Variants in TRMT10A observed in about 807,000 individuals in gnomAD.
TRMT10A encodes tRNA methyltransferase 10A, also known as tRNA methyltransferase 10 homolog A.
Under a neutral mutation model 40.4 loss-of-function variants are expected in TRMT10A, and 37 were observed. The ratio of observed to expected loss-of-function variants is 0.92; its 90% CI spans 0.71 to 1.21. The LOEUF is 1.21. Among genes scored for constraint, TRMT10A ranks in the 50% most tolerant of loss-of-function variants. The probability of loss-of-function intolerance (pLI) is 0.00; values close to 1 mark genes in which losing one functional copy is unlikely to be tolerated. For missense variants in TRMT10A, 388 were observed against 404.3 expected (o/e 0.96, Z 0.35); for synonymous variants, 103 against 134.1 (o/e 0.77, Z 1.60).
rs192937476 is a variant in TRMT10A at position 99,547,461 on chromosome 4, T to C, written c.*1627A>G. On this transcript the variant is annotated 3_prime_UTR_variant, in exon 8 of 8. Transcript: ENST00000394876. ...ATAATTAATAAAAATTAAACTCTTATTTGGAATGATTTTCCCCCTTTCATA... is the reference window on the plus strand; with the variant it reads ...ATAATTAATAAAAATTAAACTCTTACTTGGAATGATTTTCCCCCTTTCATA... 2.7e-4 allele frequency: 41 copies of C among 152,268 alleles called. No individual in the cohort carries two copies. The highest frequency in any genetic ancestry group is 8.9e-4 in the African/African-American group (37 of 41,558). The allele number at this position is 152,268 out of a possible 1,614,324, so 9.4% of individuals were successfully genotyped here.
Position 99,559,209 on chromosome 4 carries a change from G to A in TRMT10A, c.130C>T (p.Gln44Ter). Residue 44 changes from glutamine to a stop codon, truncating the protein, a stop_gained, in exon 2 of 8, where the codon CAA becomes TAA. Coordinates refer to ENST00000394876, the MANE Select transcript of TRMT10A (RefSeq NM_001134665.3). LOFTEE classifies it high-confidence loss of function. ...TTCTGTTTTATTAGTTTTTTCATTT[G>A]TCGTTTAGATATTGGTTCACACCCT... ...GEGCEPISKR[Q>*]MKKLIKQKQW... 6.2e-7 allele frequency: 1 copy of A among 1,613,150 alleles called. No individual in the cohort carries two copies. The highest frequency in any genetic ancestry group is 8.5e-7 in the Non-Finnish European group (1 of 1,179,450).
chr4:99,554,458 C>T (rs1259020814), intron 5 of TRMT10A, among the ~76,000 whole-genome samples: 1 of 152,148 alleles, frequency 6.6e-6, no homozygotes, highest in Admixed American at 6.5e-5. Flanking sequence ...TGCGGTGGCT[C>T]ATGCCTGTAA....
At chr4:99,558,334 G>T in intron 2 of TRMT10A, 123 bp from the exon 3 acceptor site, 1 of 903,490 alleles carries the variant, frequency 1.1e-6, no homozygotes, top group Non-Finnish European at 1.6e-6. Flanking sequence ...TCACTTCTGT[G>T]ACCATTCAAA....
intron 6 of TRMT10A, among the ~76,000 whole-genome samples, chr4:99,551,745 T>A (rs1723973778): frequency 6.6e-6 from 1 of 152,058 alleles, no homozygotes; most frequent in African/African-American, 2.4e-5. Flanking sequence ...GGCACTGTTA[T>A]CACAGGAGAT....
chr4:99,555,156 C>T (rs1724117037), intron 5 of TRMT10A, among the ~76,000 whole-genome samples: 1 of 152,114 alleles, frequency 6.6e-6, no homozygotes, highest in Non-Finnish European at 1.5e-5. Context: ...TGAAAACATG[C>T]CTCTTTTAAT....
intron 1 of TRMT10A, chr4:99,563,342 A>G (rs1724531127): frequency 6.5e-6 from 1 of 153,354 alleles, no homozygotes; most frequent in African/African-American, 2.4e-5. Context: ...TTCGATCTTT[A>G]TAAAACTGTC....
At chr4:99,550,828 T>C (rs1340079263) in intron 7 of TRMT10A, 57 bp downstream of exon 7, 2 of 1,239,172 alleles carry the variant, frequency 1.6e-6, no homozygotes, top group Non-Finnish European at 2.3e-6. Flanking sequence ...CTAAATGTAA[T>C]ATTCTTTCTC....
At chr4:99,554,722 CAAAAAAAAA>C (rs532448105) in intron 5 of TRMT10A, among the ~76,000 whole-genome samples, 4 of 90,884 alleles carry the variant, frequency 4.4e-5, no homozygotes, top group Non-Finnish European at 6.5e-5. Flanking sequence ...GACTACGTTT[CAAAAAAAAA>C]AAAAAAAAAA....
intron 4 of TRMT10A, 43 bp from the exon 5 acceptor site, chr4:99,556,263 C>A: frequency 2.7e-6 from 4 of 1,503,484 alleles, no homozygotes; most frequent in Non-Finnish European, 3.7e-6. Flanking sequence ...AACAAATGAC[C>A]ATTTAAGTCT....
At chr4:99,555,342 C>T (rs960811850) in intron 5 of TRMT10A, among the ~76,000 whole-genome samples, 1 of 152,042 alleles carries the variant, frequency 6.6e-6, no homozygotes, top group South Asian at 2.1e-4. Flanking sequence ...AGAGAACTGA[C>T]TTTGAGAAAG....
chr4:99,552,106 T>C (rs1315376349), intron 6 of TRMT10A, among the ~76,000 whole-genome samples: 2 of 152,112 alleles, frequency 1.3e-5, no homozygotes, highest in African/African-American at 4.8e-5. Flanking sequence ...AAAGTTACAG[T>C]AAGCTAAGGT....
chr4:99,557,618 C>T (rs984946020), intron 3 of TRMT10A: 1 of 472,744 alleles, frequency 2.1e-6, no homozygotes, highest in Admixed American at 3.9e-5. Flanking sequence ...GTAAGTGACC[C>T]ATTATTTCAT....
In TRMT10A at chr4:99,556,215, G is replaced by C. The variant is rs1426744951; in HGVS notation, c.426C>G (p.Tyr142Ter). ...TCAGCTGGCCTCCGTGGCTTGTCAAGTAAAACTGATAAAAGATTTGTAAGT... is the reference window on the plus strand; with the variant it reads ...TCAGCTGGCCTCCGTGGCTTGTCAACTAAAACTGATAAAAGATTTGTAAGT... Reference protein sequence around the residue: ...NRRALHPVQFYLTSHGGQLKK... With the variant: ...NRRALHPVQF Residue 142 changes from tyrosine to a stop codon, truncating the protein, a stop_gained, in exon 5 of 8, where the codon TAC becomes TAG. Transcript: ENST00000394876. LOFTEE classifies it high-confidence loss of function. 6.2e-7 allele frequency: 1 copy of C among 1,612,914 alleles called. No homozygotes were observed.
At chr4:99,563,800 C>A (rs1279293036) in intron 1 of TRMT10A, 113 bp downstream of exon 1, 1 of 594,370 alleles carries the variant, frequency 1.7e-6, no homozygotes, top group Admixed American at 2.2e-5. Context: ...CACCACTGCT[C>A]CCCTCTCCCC....
intron 1 of TRMT10A, among the ~76,000 whole-genome samples, chr4:99,561,387 A>G (rs1724389048): frequency 6.6e-6 from 1 of 152,172 alleles, no homozygotes; most frequent in African/African-American, 2.4e-5. Context: ...ATAGTACATT[A>G]ATGTTTCAAT....
At chr4:99,552,886 G>A (rs2110185521) in intron 6 of TRMT10A, among the ~76,000 whole-genome samples, 1 of 151,878 alleles carries the variant, frequency 6.6e-6, no homozygotes, top group African/African-American at 2.4e-5. Flanking sequence ...TTGCATACTT[G>A]GTGGGGGGGG....
At chr4:99,563,768 G>A in intron 1 of TRMT10A, 145 bp downstream of exon 1, 2 of 477,888 alleles carry the variant, frequency 4.2e-6, no homozygotes, top group Non-Finnish European at 4.0e-6. Flanking sequence ...TTCAGCAAGA[G>A]CGCCGCAGGA....
At chr4:99,563,595 C>G (rs1384355197) in intron 1 of TRMT10A, 2 of 273,860 alleles carry the variant, frequency 7.3e-6, no homozygotes, top group African/African-American at 2.2e-5. Flanking sequence ...CCCCAAAACA[C>G]ACGCCGACGG....
At chr4:99,562,515 C>CTTCTTT (rs1164312241) in intron 1 of TRMT10A, among the ~76,000 whole-genome samples, 802 of 76,678 alleles carry the variant, frequency 0.01, 24 homozygotes, top group Middle Eastern at 0.018. Context: ...AAAGGAATGC[C>CTTCTTT]TTTTTTTTTT....
Sources: allele counts gnomAD v4.1 joint callset (sites outside exome capture counted in the v4.1 genomes callset), GRCh38; gene constraint gnomAD v4.1.1; transcripts MANE v1.5; gene names NCBI Gene and HGNC (gene_info 2026-07-23, HGNC 2026-07-21).